The following BABAM2 variants were observed in gnomAD, a reference collection of about 807,000 sequenced individuals.
BABAM2 encodes BRISC and BRCA1 A complex member 2, also known as BRISC and BRCA1-A complex member 2.
In BABAM2, 31 loss-of-function variants were observed where a neutral mutation model predicts 54.7. The observed-to-expected ratio is 0.57, with a 90% CI of 0.43 to 0.77. The LOEUF (loss-of-function observed/expected upper bound fraction) is 0.77. Among genes scored for constraint, BABAM2 ranks in the 30% least tolerant of loss-of-function variants. BABAM2 has a pLI of 0.00. For missense variants in BABAM2, 364 were observed against 455.8 expected (o/e 0.80, Z 1.83); for synonymous variants, 167 against 162.9 (o/e 1.03, Z -0.19).
At chr2:28,176,054 A>G (rs78017764) in intron 7 of BABAM2, among the ~76,000 whole-genome samples, 10,802 of 152,272 alleles carry the variant, frequency 0.071, 429 homozygotes, top group African/African-American at 0.096. Context: ...AACTAACACC[A>G]TACATACATC....
chr2:28,112,343 G>T (rs1287880906), intron 6 of BABAM2, among the ~76,000 whole-genome samples: 4 of 151,280 alleles, frequency 2.6e-5, no homozygotes, highest in African/African-American at 9.7e-5. Flanking sequence ...TTCTCCTAAT[G>T]CTATCCCTCC....
intron 6 of BABAM2, among the ~76,000 whole-genome samples, chr2:28,115,781 A>G (rs929503517): frequency 6.6e-6 from 1 of 151,828 alleles, no homozygotes; most frequent in Non-Finnish European, 1.5e-5. Flanking sequence ...GAGTGTGGGA[A>G]CCTGCAGTAG....
chr2:28,144,229 A>T (rs539527973), intron 7 of BABAM2, among the ~76,000 whole-genome samples: 1 of 152,196 alleles, frequency 6.6e-6, no homozygotes, highest in Non-Finnish European at 1.5e-5. Flanking sequence ...TGTTACTGTC[A>T]TCATCATCAA....
chr2:28,224,632 C>T (rs1339906020), intron 7 of BABAM2, among the ~76,000 whole-genome samples: 2 of 152,098 alleles, frequency 1.3e-5, no homozygotes, highest in Non-Finnish European at 2.9e-5. Context: ...CAAAACTGAA[C>T]GTTTGGCCCA....
chr2:28,308,465 C>G lies in BABAM2; in HGVS notation c.1088+9974C>G, dbSNP rs1045485649. The G allele has an allele frequency of 1.5e-5, 8 of 528,590 alleles. No individual in the cohort carries two copies. The African/African-American group carries it at 1.5e-4, about 10-fold the overall frequency. 32.7% of individuals were successfully genotyped at this position (528,590 alleles called of 1,614,324 possible). The stretch of plus-strand genomic sequence containing the variant: ...CACAACTTGTGTCCATTGTGGATGT[C>G]AAAGCCAACAAGCACCAGATCAAAC... On this transcript the variant is annotated intron_variant, in intron 11 of 11. Transcript: ENST00000379624.
At chr2:28,086,709 A>C (rs1185291003) in intron 6 of BABAM2, among the ~76,000 whole-genome samples, 2 of 152,228 alleles carry the variant, frequency 1.3e-5, no homozygotes, top group Non-Finnish European at 2.9e-5. Context: ...GAACTTATTT[A>C]AGATGCACTT....
intron 11 of BABAM2, among the ~76,000 whole-genome samples, chr2:28,335,827 A>C (rs1364391270): frequency 6.6e-6 from 1 of 152,120 alleles, no homozygotes; most frequent in Non-Finnish European, 1.5e-5. Flanking sequence ...AAGAAGGGAG[A>C]GGCAGTAGAT....
chr2:27,910,296 T>C (rs1166724584), intron 2 of BABAM2, among the ~76,000 whole-genome samples: 2 of 151,638 alleles, frequency 1.3e-5, no homozygotes, highest in Non-Finnish European at 2.9e-5. Flanking sequence ...ATCACAGTTG[T>C]CTCCTAGGTT....
chr2:27,997,894 C>T (rs1673282199), intron 4 of BABAM2, among the ~76,000 whole-genome samples: 1 of 152,104 alleles, frequency 6.6e-6, no homozygotes, highest in African/African-American at 2.4e-5. Context: ...GTGGCTCAGG[C>T]CTGTAATCTG....
At chr2:28,117,173 G>A (rs1359187180) in intron 6 of BABAM2, among the ~76,000 whole-genome samples, 2 of 152,168 alleles carry the variant, frequency 1.3e-5, no homozygotes, top group East Asian at 1.9e-4. Flanking sequence ...CAGGCAGATT[G>A]CTCTAGCAAA....
chr2:27,985,086 T>TGC (rs1425212087), intron 3 of BABAM2, among the ~76,000 whole-genome samples: 3 of 151,406 alleles, frequency 2.0e-5, no homozygotes, highest in Non-Finnish European at 4.4e-5. Flanking sequence ...TGTGTGTGTG[T>TGC]GTGTGTGTGT....
At chr2:28,135,282 A>T (rs2147719516) in intron 7 of BABAM2, among the ~76,000 whole-genome samples, 3 of 152,358 alleles carry the variant, frequency 2.0e-5, no homozygotes, top group Admixed American at 2.0e-4. Flanking sequence ...TAAAATATTC[A>T]AACTGCTTTT....
chr2:27,994,505 A>G (rs1263471772), intron 4 of BABAM2, among the ~76,000 whole-genome samples: 2 of 152,202 alleles, frequency 1.3e-5, no homozygotes, highest in Non-Finnish European at 2.9e-5. Context: ...AGTAAACACT[A>G]TGCTGACTTA....
At chr2:28,141,510 T>A (rs1212105652) in intron 7 of BABAM2, among the ~76,000 whole-genome samples, 1 of 152,214 alleles carries the variant, frequency 6.6e-6, no homozygotes. Flanking sequence ...TACTGCAGAA[T>A]GAGAGATTCA....
At chr2:28,075,031 CA>C (rs1266177311) in intron 6 of BABAM2, among the ~76,000 whole-genome samples, 1 of 152,124 alleles carries the variant, frequency 6.6e-6, no homozygotes, top group Non-Finnish European at 1.5e-5. Context: ...TTAGAGTAGT[CA>C]CAGATTTTTT....
intron 6 of BABAM2, among the ~76,000 whole-genome samples, chr2:28,063,157 A>G (rs1335954623): frequency 2.6e-5 from 4 of 152,152 alleles, no homozygotes; most frequent in Non-Finnish European, 5.9e-5. Flanking sequence ...ACATTTACAA[A>G]CTTAAGTAGG....
chr2:28,108,326 G>T (rs1172617511), intron 6 of BABAM2, among the ~76,000 whole-genome samples: 2 of 152,126 alleles, frequency 1.3e-5, no homozygotes, highest in African/African-American at 4.8e-5. Flanking sequence ...AACTAGAAAT[G>T]TTAAGCTGTT....
upstream of BABAM2, among the ~76,000 whole-genome samples, chr2:27,888,896 C>A (rs1027408292): frequency 6.6e-6 from 1 of 152,210 alleles, no homozygotes; most frequent in African/African-American, 2.4e-5. Flanking sequence ...AAAAGATGTA[C>A]AGGCCTCTTC....
At chr2:28,209,842 T>C (rs950211625) in intron 7 of BABAM2, among the ~76,000 whole-genome samples, 2 of 152,156 alleles carry the variant, frequency 1.3e-5, no homozygotes, top group Non-Finnish European at 2.9e-5. Flanking sequence ...AGATTTTCCT[T>C]TTTGGAAATA....
Sources: gnomAD v4.1 joint callset for allele counts (sites outside exome capture counted in the v4.1 genomes callset) on GRCh38, gnomAD v4.1.1 for gene constraint, MANE v1.5 for transcripts, NCBI Gene and HGNC (gene_info 2026-07-23, HGNC 2026-07-21) for gene names.